Variants in RBMS3 observed in about 807,000 individuals in gnomAD.
RBMS3 encodes RNA-binding motif, single-stranded-interacting protein 3.
RBMS3 carries 27 observed loss-of-function variants against 66.8 expected under a neutral mutation model. That is an observed-to-expected ratio of 0.40 (90% CI 0.30 to 0.56). The LOEUF (loss-of-function observed/expected upper bound fraction) is 0.56, where lower values mean the gene tolerates loss of function less well. RBMS3 is among the 20% of genes least tolerant of loss of function. The probability of loss-of-function intolerance (pLI) is 0.40; values close to 1 mark genes in which losing one functional copy is unlikely to be tolerated. For synonymous variants in RBMS3, 188 were observed against 183.0 expected (o/e 1.03, Z -0.22); for missense variants, 513 against 549.5 (o/e 0.93, Z 0.66).
At chr3:29,558,581 T>G (rs1445169137) in intron 3 of RBMS3, among the ~76,000 whole-genome samples, 1 of 152,218 alleles carries the variant, frequency 6.6e-6, no homozygotes, top group African/African-American at 2.4e-5. Context: ...TAGTGTTCAT[T>G]CATTCGACAA....
At chr3:29,340,996 G>A (rs1049826469) in intron 1 of RBMS3, among the ~76,000 whole-genome samples, 4 of 151,916 alleles carry the variant, frequency 2.6e-5, no homozygotes, top group Admixed American at 2.0e-4. Context: ...TTTTCAACAT[G>A]TGAAATATCA....
intron 6 of RBMS3, among the ~76,000 whole-genome samples, chr3:29,841,732 G>A (rs764795352): frequency 6.6e-5 from 10 of 152,024 alleles, no homozygotes; most frequent in Non-Finnish European, 1.5e-4. Context: ...AGACTATTCT[G>A]TGGTTTCAAA....
At chr3:29,323,691 TACACACACACACACACACAC>T (rs10565045) in intron 1 of RBMS3, among the ~76,000 whole-genome samples, 3 of 144,270 alleles carry the variant, frequency 2.1e-5, no homozygotes, top group African/African-American at 5.1e-5. Context: ...CACACACACA[TACACACACACACACACACAC>T]ACACACACAC....
At position 29,936,151 on chromosome 3, in the gene RBMS3, A is replaced by G; in HGVS notation, c.1005A>G (p.Pro335=). Residue 335 remains proline (P), a synonymous_variant, in exon 11 of 15, where the codon CCA becomes CCG. Transcript: ENST00000383767. ...MSMQPANMMG[P]LTQQMNHLSL... The stretch of plus-strand genomic sequence containing the variant: ...TGCAGCCAGCCAACATGATGGGCCC[A>G]CTGACACAGCAGATGAATCACCTTT... 6.2e-7 allele frequency: 1 copy of G among 1,613,400 alleles called. No individual in the cohort carries two copies. Among genetic ancestry groups the G allele is most frequent in the Non-Finnish European group, 8.5e-7 (1 of 1,179,556 alleles).
intron 12 of RBMS3, among the ~76,000 whole-genome samples, chr3:29,953,747 A>T (rs1695842123): frequency 6.6e-6 from 1 of 151,896 alleles, no homozygotes; most frequent in East Asian, 1.9e-4. Flanking sequence ...GTTCTTTATA[A>T]GCTCAGCTGG....
chr3:29,408,959 A>C (rs4146795), intron 1 of RBMS3, among the ~76,000 whole-genome samples: 123,586 of 152,076 alleles, frequency 0.81, 50,668 homozygotes, highest in East Asian at 0.97. Context: ...ATGCTTGCAC[A>C]CTTTATTTTA....
intron 2 of RBMS3, among the ~76,000 whole-genome samples, chr3:29,477,825 G>A (rs78686455): frequency 0.1 from 15,641 of 151,996 alleles, 970 homozygotes; most frequent in Non-Finnish European, 0.13. Context: ...GAGTGCAGTC[G>A]TGCAATCTCA....
At chr3:29,435,050 A>C (rs558689958) in intron 2 of RBMS3, 135 bp downstream of exon 2, 7 of 937,490 alleles carry the variant, frequency 7.5e-6, no homozygotes, top group East Asian at 2.7e-5. Flanking sequence ...ACAGGACTTA[A>C]ATTTGAGATT....
At chr3:29,478,325 G>A (rs545773576) in intron 2 of RBMS3, among the ~76,000 whole-genome samples, 1 of 152,298 alleles carries the variant, frequency 6.6e-6, no homozygotes, top group African/African-American at 2.4e-5. Context: ...GAAGGCAGCA[G>A]CTGGTTCATT....
intron 4 of RBMS3, among the ~76,000 whole-genome samples, chr3:29,684,170 C>G (rs1329222547): frequency 6.6e-6 from 1 of 152,134 alleles, no homozygotes; most frequent in Non-Finnish European, 1.5e-5. Flanking sequence ...ATACCCTAAA[C>G]AGTAATTTTA....
chr3:29,855,829 T>C (rs1168526954), intron 6 of RBMS3, among the ~76,000 whole-genome samples: 2 of 152,152 alleles, frequency 1.3e-5, no homozygotes, highest in Non-Finnish European at 2.9e-5. Flanking sequence ...ATAAGCTTGC[T>C]AAAATTGTGC....
At chr3:29,332,806 A>C (rs1038576055) in intron 1 of RBMS3, among the ~76,000 whole-genome samples, 17 of 152,194 alleles carry the variant, frequency 1.1e-4, no homozygotes, top group African/African-American at 4.1e-4. Context: ...CAAATATATA[A>C]TTGATAACAT....
chr3:29,356,818 A>G (rs1284469468), intron 1 of RBMS3, among the ~76,000 whole-genome samples: 2 of 152,150 alleles, frequency 1.3e-5, no homozygotes, highest in Non-Finnish European at 2.9e-5. Flanking sequence ...TCTGCCATAA[A>G]TTAAGGGTTA....
intron 1 of RBMS3, among the ~76,000 whole-genome samples, chr3:29,376,568 C>T (rs1289941891): frequency 3.3e-5 from 5 of 151,842 alleles, no homozygotes; most frequent in Admixed American, 2.0e-4. Context: ...GTCAGGAGTT[C>T]GAGACCAGCC....
At chr3:29,736,385 G>A (rs1007885322) in intron 4 of RBMS3, among the ~76,000 whole-genome samples, 2 of 152,176 alleles carry the variant, frequency 1.3e-5, no homozygotes, top group Admixed American at 1.3e-4. Flanking sequence ...TAAGCTCTGC[G>A]TATTTATGGT....
intron 10 of RBMS3, among the ~76,000 whole-genome samples, chr3:29,930,212 C>T (rs1436435705): frequency 6.7e-6 from 1 of 148,224 alleles, no homozygotes; most frequent in Non-Finnish European, 1.5e-5. Context: ...CCCGGGTTCA[C>T]GCCATTCTCC....
At chr3:29,670,263 G>A (rs1039492963) in intron 4 of RBMS3, among the ~76,000 whole-genome samples, 1 of 152,140 alleles carries the variant, frequency 6.6e-6, no homozygotes, top group Non-Finnish European at 1.5e-5. Context: ...GATTTAATTA[G>A]TTAAGAAACT....
intron 3 of RBMS3, among the ~76,000 whole-genome samples, chr3:29,528,691 G>T (rs1478533431): frequency 6.6e-6 from 1 of 152,106 alleles, no homozygotes; most frequent in Non-Finnish European, 1.5e-5. Context: ...TTTTGATGGA[G>T]TACCATATTG....
chr3:29,837,669 T>TATATAATGAAC (rs2058552829), intron 6 of RBMS3, among the ~76,000 whole-genome samples: 1 of 45,548 alleles, frequency 2.2e-5, no homozygotes, highest in East Asian at 4.2e-4. Flanking sequence ...TGAACATATA[T>TATATAATGAAC]ATATATATAT....
Sources: gnomAD v4.1 joint callset for allele counts (sites outside exome capture counted in the v4.1 genomes callset) on GRCh38, gnomAD v4.1.1 for gene constraint, MANE v1.5 for transcripts, NCBI Gene and HGNC (gene_info 2026-07-23, HGNC 2026-07-21) for gene names.